Variants in GRIA3 observed in about 807,000 individuals in gnomAD.
The protein encoded by GRIA3 is glutamate ionotropic receptor AMPA type subunit 3.
A neutral mutation model predicts 63.0 loss-of-function variants in GRIA3; 3 were observed. The observed-to-expected ratio is 0.05, with a 90% confidence interval of 0.02 to 0.12. GRIA3 has a LOEUF of 0.12. Among genes scored for constraint, GRIA3 ranks in the 10% least tolerant of loss-of-function variants. The pLI is 1.00. For synonymous variants in GRIA3, 274 were observed against 257.9 expected, an observed-to-expected ratio of 1.06 and a Z score of -0.60; for missense variants, 347 against 700.9, an observed-to-expected ratio of 0.50 and a Z score of 5.70.
intron 3 of GRIA3, among the ~76,000 whole-genome samples, chrX:123,322,729 T>A (rs2044876304): frequency 1.8e-5 from 2 of 111,676 alleles, no homozygotes. Flanking sequence ...GGTTCTATAG[T>A]ACACAGCCAC....
chrX:123,334,354 CT>C (rs1369911717), intron 4 of GRIA3, among the ~76,000 whole-genome samples: 1 of 111,321 alleles, frequency 9.0e-6, no homozygotes, highest in Non-Finnish European at 1.9e-5. Context: ...TTATCTTCAG[CT>C]TATTAAAAAA....
intron 13 of GRIA3, among the ~76,000 whole-genome samples, chrX:123,472,884 G>A (rs1240166665): frequency 8.0e-5 from 9 of 112,536 alleles, no homozygotes; most frequent in African/African-American, 2.3e-4. Flanking sequence ...TTATATGCAC[G>A]CATTATTGAA....
chrX:123,488,796 C>G lies in GRIA3; in HGVS notation c.*86C>G, dbSNP rs1484848563. 1 of 111,379 alleles carries G rather than the reference C, an allele frequency of 9.0e-6. No individual in the cohort carries two copies. Among genetic ancestry groups the G allele is most frequent in the African/African-American group, 3.3e-5 (1 of 30,507 alleles). The allele number at this position is 111,379 out of a possible 1,213,427, so 9.2% of individuals were successfully genotyped here. Reference sequence around the variant, plus strand: ...AGGATCCTGAGCCAGATTTCACTCTCCTTGGTGTCGGGCATGACACGAATA... The same window carrying G: ...AGGATCCTGAGCCAGATTTCACTCTGCTTGGTGTCGGGCATGACACGAATA... On this transcript the variant is annotated 3_prime_UTR_variant, in exon 16 of 16. Coordinates refer to ENST00000620443, the MANE Select transcript of GRIA3 (RefSeq NM_007325.5).
At chrX:123,252,288 G>A (rs1204257599) in intron 2 of GRIA3, among the ~76,000 whole-genome samples, 1 of 112,210 alleles carries the variant, frequency 8.9e-6, no homozygotes, top group East Asian at 2.8e-4. Context: ...CTTAACAGTG[G>A]TATTTAGGGT....
At chrX:123,202,242 T>G (rs1225062386) in intron 2 of GRIA3, among the ~76,000 whole-genome samples, 1 of 112,214 alleles carries the variant, frequency 8.9e-6, no homozygotes, top group African/African-American at 3.2e-5. Context: ...TGTTGGATAC[T>G]TTCATCTTTA....
chrX:123,324,085 T>C (rs2044885178), intron 3 of GRIA3, among the ~76,000 whole-genome samples: 1 of 111,597 alleles, frequency 9.0e-6, no homozygotes, highest in Admixed American at 9.5e-5. Flanking sequence ...GTCTTTAGCC[T>C]GAGGAAAAGA....
At chrX:123,254,249 T>A (rs1257416904) in intron 3 of GRIA3, among the ~76,000 whole-genome samples, 1 of 111,921 alleles carries the variant, frequency 8.9e-6, no homozygotes, top group East Asian at 2.8e-4. Flanking sequence ...GACAATATAT[T>A]GAGGATACAC....
intron 5 of GRIA3, among the ~76,000 whole-genome samples, chrX:123,385,518 C>T (rs2045349650): frequency 8.9e-6 from 1 of 111,879 alleles, no homozygotes; most frequent in Non-Finnish European, 1.9e-5. Context: ...TTATCTAGTT[C>T]TGTGAAGAAT....
intron 3 of GRIA3, among the ~76,000 whole-genome samples, chrX:123,261,933 A>T (rs761924231): frequency 8.0e-5 from 9 of 112,119 alleles, no homozygotes; most frequent in African/African-American, 2.9e-4. Context: ...ATTGCTTTTT[A>T]TCAAGCTCCT....
intron 3 of GRIA3, among the ~76,000 whole-genome samples, chrX:123,318,292 G>A (rs1039233961): frequency 9.8e-5 from 11 of 112,193 alleles, no homozygotes; most frequent in South Asian, 3.7e-4. Flanking sequence ...GGGGATTAAC[G>A]TTAGGCTCCT....
chrX:123,372,389 G>T (rs928977951), intron 5 of GRIA3, among the ~76,000 whole-genome samples: 6 of 111,559 alleles, frequency 5.4e-5, no homozygotes, highest in African/African-American at 2.0e-4. Flanking sequence ...TTTTAGGATT[G>T]TTTTTTCTAT....
chrX:123,451,492 G>C (rs1195848345), intron 12 of GRIA3, among the ~76,000 whole-genome samples: 3 of 55,750 alleles, frequency 5.4e-5, no homozygotes, highest in Admixed American at 3.3e-4. Flanking sequence ...ACAACAGAGA[G>C]AGACTCTGTC....
chrX:123,263,019 G>A (rs1167812055), intron 3 of GRIA3, among the ~76,000 whole-genome samples: 1 of 111,993 alleles, frequency 8.9e-6, no homozygotes, highest in African/African-American at 3.2e-5. Context: ...TTACAGGGCT[G>A]TTGAAAATAG....
At chrX:123,466,033 C>T (rs2045831571) in intron 13 of GRIA3, among the ~76,000 whole-genome samples, 1 of 111,905 alleles carries the variant, frequency 8.9e-6, no homozygotes, top group African/African-American at 3.3e-5. Flanking sequence ...TTCCTTTACC[C>T]ACCAGTTTGG....
intron 11 of GRIA3, among the ~76,000 whole-genome samples, chrX:123,422,263 A>C (rs1008508117): frequency 8.9e-6 from 1 of 112,506 alleles, no homozygotes; most frequent in Non-Finnish European, 1.9e-5. Flanking sequence ...AACTGATGGC[A>C]TCATTACATT....
At chrX:123,290,586 CTGTGTGTGTGTG>C (rs761564682) in intron 3 of GRIA3, among the ~76,000 whole-genome samples, 1,403 of 90,184 alleles carry the variant, frequency 0.016, 31 homozygotes, top group African/African-American at 0.053. Flanking sequence ...CCTCAAAGGA[CTGTGTGTGTGTG>C]TGTGTGTGTG....
rs185898484 is a variant in GRIA3 at position 123,414,457 on chromosome X, T to C, written c.1501-2945T>C. The stretch of plus-strand genomic sequence containing the variant: ...TTTTATTATACTTTAAGTTCTAGGG[T>C]ACACGTGCACAACGTGCAGGTTTGT... On this transcript the variant is annotated intron_variant, in intron 10 of 15. Transcript: ENST00000620443. Among the ~76,000 whole-genome samples the C allele has an allele frequency of 4.4e-4, 49 of 111,572 alleles. No homozygotes were observed. The East Asian group carries it at 0.014, about 31-fold the overall frequency.
chrX:123,377,687 C>A (rs2045295662), intron 5 of GRIA3, among the ~76,000 whole-genome samples: 1 of 111,721 alleles, frequency 9.0e-6, no homozygotes, highest in Non-Finnish European at 1.9e-5. Context: ...CATGAGCCAG[C>A]CAATTTTTGT....
At chrX:123,405,510 C>A (rs1240272322) in intron 10 of GRIA3, among the ~76,000 whole-genome samples, 1 of 111,809 alleles carries the variant, frequency 8.9e-6, no homozygotes, top group Non-Finnish European at 1.9e-5. Flanking sequence ...CTTCACATGG[C>A]AAATAAGGCA....
Sources: gnomAD v4.1 joint callset for allele counts (sites outside exome capture counted in the v4.1 genomes callset) on GRCh38, gnomAD v4.1.1 for gene constraint, MANE v1.5 for transcripts, NCBI Gene and HGNC (gene_info 2026-07-23, HGNC 2026-07-21) for gene names.